CNTNAP2: variants seen among roughly 807,000 people sequenced by gnomAD.
CNTNAP2 encodes contactin-associated protein-like 2.
CNTNAP2 carries 98 observed loss-of-function variants against 155.2 expected under a neutral mutation model. The observed-to-expected ratio is 0.63, with a 90% CI of 0.54 to 0.75. CNTNAP2 has a LOEUF of 0.75. Ranked by LOEUF, CNTNAP2 falls within the 30% of genes least tolerant of loss-of-function variation. CNTNAP2 has a pLI of 0.00. For synonymous variants in CNTNAP2, 651 were observed against 631.2 expected (o/e 1.03, Z -0.47); for missense variants, 1,727 against 1,688.1 (o/e 1.02, Z -0.40).
intron 1 of CNTNAP2, among the ~76,000 whole-genome samples, chr7:146,127,783 T>G (rs1415665358): frequency 6.6e-6 from 1 of 152,216 alleles, no homozygotes; most frequent in East Asian, 1.9e-4. Flanking sequence ...GTACTTAAGA[T>G]GTCACCAAAT....
chr7:146,246,217 T>C (rs978651778), intron 1 of CNTNAP2, among the ~76,000 whole-genome samples: 10 of 150,876 alleles, frequency 6.6e-5, no homozygotes, highest in East Asian at 2.0e-4. Context: ...TAGAAGTATC[T>C]TATACTTGTG....
chr7:146,628,222 T>G (rs912246304), intron 1 of CNTNAP2, among the ~76,000 whole-genome samples: 1 of 152,128 alleles, frequency 6.6e-6, no homozygotes, highest in African/African-American at 2.4e-5. Context: ...GATAAGTTGC[T>G]GATAAATCTG....
At chr7:147,814,392 T>C (rs1190587416) in intron 13 of CNTNAP2, among the ~76,000 whole-genome samples, 1 of 152,224 alleles carries the variant, frequency 6.6e-6, no homozygotes, top group African/African-American at 2.4e-5. Flanking sequence ...GTTATGCATT[T>C]GTCTCCATCA....
intron 3 of CNTNAP2, among the ~76,000 whole-genome samples, chr7:146,954,894 A>T (rs1563019377): frequency 6.6e-6 from 1 of 151,778 alleles, no homozygotes; most frequent in Non-Finnish European, 1.5e-5. Flanking sequence ...ACATTTCTTC[A>T]CTGATTTGTA....
At chr7:147,942,271 G>GTCAATTGATCAATGACATGA (rs1288189498) in intron 14 of CNTNAP2, among the ~76,000 whole-genome samples, 2 of 152,202 alleles carry the variant, frequency 1.3e-5, no homozygotes, top group Non-Finnish European at 2.9e-5. Context: ...TCAGCAGCAT[G>GTCAATTGATCAATGACATGA]TCAGTAGCTG....
At chr7:147,540,973 A>C (rs1799628880) in intron 11 of CNTNAP2, among the ~76,000 whole-genome samples, 1 of 152,258 alleles carries the variant, frequency 6.6e-6, no homozygotes, top group Admixed American at 6.5e-5. Flanking sequence ...ATTTAATGTA[A>C]TATGATGAAG....
chr7:147,640,320 A>G (rs948318534), intron 13 of CNTNAP2, among the ~76,000 whole-genome samples: 2 of 152,170 alleles, frequency 1.3e-5, no homozygotes, highest in Non-Finnish European at 2.9e-5. Flanking sequence ...ACCATGTTAT[A>G]CAATAGACCT....
At chr7:148,099,898 A>G (rs569440188) in intron 15 of CNTNAP2, among the ~76,000 whole-genome samples, 1 of 99,196 alleles carries the variant, frequency 1.0e-5, no homozygotes, top group African/African-American at 4.1e-5. Flanking sequence ...TTTGAGACGG[A>G]GTCTCACTCT....
intron 3 of CNTNAP2, among the ~76,000 whole-genome samples, chr7:146,997,071 T>C (rs754975092): frequency 1.3e-5 from 2 of 152,078 alleles, no homozygotes; most frequent in African/African-American, 2.4e-5. Context: ...AAACCTCTTT[T>C]TCTTTATAAA....
chr7:147,086,475 C>T (rs1381251027), intron 4 of CNTNAP2, among the ~76,000 whole-genome samples: 12 of 151,894 alleles, frequency 7.9e-5, no homozygotes, highest in Non-Finnish European at 4.4e-5. Flanking sequence ...TTCTCTCTAT[C>T]ACCCAGAATG....
rs548206560 is a variant in CNTNAP2, at chr7:146,631,135, C to T, written c.98-143136C>T. 2.6e-5 allele frequency among the ~76,000 whole-genome samples: 4 copies of T among 152,218 alleles called. No homozygotes were observed. In the South Asian group the frequency reaches 8.3e-4, roughly 32 times the overall value. On this transcript the variant is annotated intron_variant, in intron 1 of 23. Coordinates refer to ENST00000361727, the MANE Select transcript of CNTNAP2 (RefSeq NM_014141.6). ...TAAGCAAAAAGAACAAAGCTGGAGG[C>T]ATCATGCTACCTGACTTCAAACTAC...
Position 147,894,959 on chromosome 7 carries a change from TTCTTTC to T in CNTNAP2, c.2099-8604_2099-8599del, listed in dbSNP as rs1471301907. ...TCTTTTTCTTTCTTTCTTTCTTTCT[TTCTTTC>T]TTTTTTTTTTTTTTTTTTTTTTTGA... On this transcript the variant is annotated intron_variant, in intron 13 of 23. Coordinates refer to ENST00000361727, the MANE Select transcript of CNTNAP2 (RefSeq NM_014141.6). 7.2e-3 allele frequency among the ~76,000 whole-genome samples: 576 copies of T among 80,336 alleles called. 68 individuals are homozygous for T. Among genetic ancestry groups the T allele is most frequent in the African/African-American group, 0.044 (500 of 11,268 alleles). The allele number at this position is 80,336 out of a possible 152,430, so 52.7% of individuals were successfully genotyped here. A position where few individuals can be genotyped will look rare whatever the true frequency, so the allele number is the denominator to read the frequency against.
At chr7:146,893,691 A>T (rs1267963584) in intron 3 of CNTNAP2, among the ~76,000 whole-genome samples, 3 of 152,128 alleles carry the variant, frequency 2.0e-5, no homozygotes, top group African/African-American at 7.2e-5. Flanking sequence ...AGCTACCATA[A>T]TCAGCCATAC....
intron 10 of CNTNAP2, among the ~76,000 whole-genome samples, chr7:147,414,801 C>T (rs947771974): frequency 2.6e-5 from 4 of 151,438 alleles, no homozygotes; most frequent in Admixed American, 6.6e-5. Context: ...ATTAGCTGGG[C>T]GAGGTGGTGG....
chr7:146,832,115 C>A (rs1045846173), intron 2 of CNTNAP2, among the ~76,000 whole-genome samples: 43 of 152,152 alleles, frequency 2.8e-4, no homozygotes, highest in Non-Finnish European at 6.0e-4. Context: ...ACATGACCTC[C>A]TTGCAGATGT....
intron 18 of CNTNAP2, chr7:148,189,911 A>G (rs986742252): frequency 6.6e-6 from 1 of 152,218 alleles, no homozygotes; most frequent in Non-Finnish European, 1.5e-5. Context: ...CAAATAAGGC[A>G]GAAGACCCAA....
At chr7:147,368,011 T>TC (rs1796266756) in intron 9 of CNTNAP2, among the ~76,000 whole-genome samples, 1 of 81,344 alleles carries the variant, frequency 1.2e-5, no homozygotes, top group Admixed American at 1.5e-4. Context: ...TGTCTCTCTC[T>TC]CTCCCCCCCC....
At chr7:147,054,147 C>T (rs1217830894) in intron 4 of CNTNAP2, among the ~76,000 whole-genome samples, 1 of 152,102 alleles carries the variant, frequency 6.6e-6, no homozygotes, top group Non-Finnish European at 1.5e-5. Flanking sequence ...TTAGTGATGG[C>T]CTACAGAAAA....
intron 1 of CNTNAP2, among the ~76,000 whole-genome samples, chr7:146,239,676 C>A (rs1303099217): frequency 6.6e-6 from 1 of 151,860 alleles, no homozygotes; most frequent in African/African-American, 2.4e-5. Flanking sequence ...ATAATAATGT[C>A]TTATACTTAT....
Sources: gnomAD v4.1 joint callset for allele counts (sites outside exome capture counted in the v4.1 genomes callset) on GRCh38, gnomAD v4.1.1 for gene constraint, MANE v1.5 for transcripts, NCBI Gene and HGNC (gene_info 2026-07-23, HGNC 2026-07-21) for gene names.